ERVFRD-1: variants seen among roughly 807,000 people sequenced by gnomAD.
The protein encoded by ERVFRD-1 is endogenous retrovirus group FRD member 1, envelope.
ERVFRD-1 carries 33 observed loss-of-function variants against 43.8 expected under a neutral mutation model. The observed-to-expected ratio is 0.75, with a 90% CI of 0.57 to 1.01. ERVFRD-1 has a LOEUF of 1.01. Ranked by LOEUF, ERVFRD-1 falls within the 50% of genes least tolerant of loss-of-function variation. The pLI, the probability that ERVFRD-1 is intolerant of heterozygous loss-of-function variation, is 0.00. For missense variants in ERVFRD-1, 568 were observed against 658.4 expected (o/e 0.86, Z 1.50); for synonymous variants, 239 against 244.4 (o/e 0.98, Z 0.21).
Position 11,105,129 on chromosome 6 carries a change from G to C in ERVFRD-1, c.182C>G (p.Ser61Trp), listed in dbSNP as rs201436293. ...TETPGTAYPASPREWTSIEAE... is the reference protein window; with the variant it reads ...TETPGTAYPAWPREWTSIEAE... ...CTCTATGCTTGTCCATTCTCTGGGC[G>C]AGGCTGGATAAGCTGTCCCTGGTGT... is the stretch of plus-strand genomic sequence containing the variant. Residue 61 changes from serine (S) to tryptophan (W), a missense_variant, in exon 2 of 2, where the codon TCG becomes TGG. Physicochemically the swap from Ser to Trp is radical, Grantham distance 177. Coordinates refer to ENST00000472091, the MANE Select transcript of ERVFRD-1 (RefSeq NM_207582.3). 1 of 1,614,200 alleles carries C rather than the reference G, an allele frequency of 6.2e-7. No homozygotes were observed. Among genetic ancestry groups the C allele is most frequent in the Non-Finnish European group, 8.5e-7 (1 of 1,180,044 alleles).
rs949485572 is a variant in ERVFRD-1, at chr6:11,104,819, G to A, written c.492C>T (p.Asn164=). The A allele has an allele frequency of 6.2e-7, 1 of 1,614,238 alleles. No individual in the cohort carries two copies. Among genetic ancestry groups the A allele is most frequent in the Admixed American group, 1.7e-5 (1 of 60,028 alleles). The change falls in exon 2 of 2, where the codon AAC becomes AAT. Residue 164 remains asparagine, a synonymous_variant. Coordinates refer to ENST00000472091, the MANE Select transcript of ERVFRD-1 (RefSeq NM_207582.3). ...NQQTYQTYTH[N]QFRHQPRFPK... is the part of the protein sequence containing the mutation. Reference sequence around the variant, plus strand: ...GGAATCTTGGTTGATGGCGGAATTGGTTGTGGGTGTATGTTTGGTAAGTCT... The same window carrying A: ...GGAATCTTGGTTGATGGCGGAATTGATTGTGGGTGTATGTTTGGTAAGTCT...
chr6:11,110,908 T>C lies in ERVFRD-1; in HGVS notation c.-321+769A>G, dbSNP rs181416270. On this transcript the variant is annotated intron_variant, in intron 1 of 1. Coordinates refer to ENST00000472091, the MANE Select transcript of ERVFRD-1 (RefSeq NM_207582.3). ...GGTGGGGTCCTTAAGGGCTACAGAG[T>C]GAGGTCCTATGCAAGCAAGCAAACC... Among the ~76,000 whole-genome samples, 758 of 151,866 alleles carry C rather than the reference T, an allele frequency of 5.0e-3. 1 individual carries two copies. The highest frequency in any genetic ancestry group is 0.024 in the South Asian group (116 of 4,800).
At chr6:11,106,489 A>ACTGT (rs1758085399) in intron 1 of ERVFRD-1, among the ~76,000 whole-genome samples, 1 of 152,236 alleles carries the variant, frequency 6.6e-6, no homozygotes, top group Non-Finnish European at 1.5e-5. Flanking sequence ...TTTGCCTTAG[A>ACTGT]CTGTCTCTTC....
At chr6:11,110,709 C>G (rs1437440655) in intron 1 of ERVFRD-1, among the ~76,000 whole-genome samples, 4 of 152,148 alleles carry the variant, frequency 2.6e-5, no homozygotes, top group African/African-American at 9.7e-5. Flanking sequence ...TCATGGAAAG[C>G]CTTCATATGT....
chr6:11,110,599 G>T (rs1758152244), intron 1 of ERVFRD-1, among the ~76,000 whole-genome samples: 1 of 152,110 alleles, frequency 6.6e-6, no homozygotes, highest in African/African-American at 2.4e-5. Flanking sequence ...TTTGTATTTG[G>T]GATTCTTCAT....
chr6:11,111,166 C>T (rs1469328999), intron 1 of ERVFRD-1, among the ~76,000 whole-genome samples: 1 of 152,134 alleles, frequency 6.6e-6, no homozygotes, highest in Non-Finnish European at 1.5e-5. Flanking sequence ...ACAGCAAGAG[C>T]TGCGGGTGCA....
rs547480003 is a variant in ERVFRD-1, at chr6:11,111,441, G to C, written c.-321+236C>G. Among the ~76,000 whole-genome samples, 209 of 152,194 alleles carry C rather than the reference G, an allele frequency of 1.4e-3. 5 individuals are homozygous for C. The East Asian group carries it at 0.034, about 25-fold the overall frequency. On this transcript the variant is annotated intron_variant, in intron 1 of 1. Transcript: ENST00000472091. ...TACCGCTCTCATCAGCCTCCTGTCT[G>C]GGGGGGCCATTAGTGTCTCAGGTCT... is the stretch of plus-strand genomic sequence containing the variant.
intron 1 of ERVFRD-1, among the ~76,000 whole-genome samples, chr6:11,106,716 C>G (rs1758088927): frequency 6.6e-6 from 1 of 152,192 alleles, no homozygotes; most frequent in Admixed American, 6.5e-5. Context: ...AGATGCCTGT[C>G]TCTTTAGCTG....
intron 1 of ERVFRD-1, among the ~76,000 whole-genome samples, chr6:11,108,156 A>G (rs1421316875): frequency 6.6e-6 from 1 of 152,166 alleles, no homozygotes; most frequent in East Asian, 1.9e-4. Flanking sequence ...ATGAATGAGA[A>G]AAGACGGTTT....
intron 1 of ERVFRD-1, among the ~76,000 whole-genome samples, chr6:11,107,744 TG>T (rs1335052372): frequency 6.6e-6 from 1 of 152,242 alleles, no homozygotes; most frequent in Non-Finnish European, 1.5e-5. Context: ...TCTCAGGTCC[TG>T]GACTAGCCTG....
rs559357034 is a variant in ERVFRD-1, at chr6:11,104,145, G to T, written c.1166C>A (p.Ala389Asp). The T allele has an allele frequency of 6.4e-7, 1 of 1,551,718 alleles. No homozygotes were observed. The highest frequency in any genetic ancestry group is 2.4e-5 in the East Asian group (1 of 40,920). Residue 389 changes from alanine (A) to aspartate (D), a missense_variant, in exon 2 of 2, where the codon GCC becomes GAC. Physicochemically the swap from Ala to Asp is moderately radical, Grantham distance 126. Transcript: ENST00000472091. ...TTTAGCCATGGTGTCAATGTTGTTGGCTATTTCCTTTGAGAGCTGGCTATA... is the reference window on the plus strand; with the variant it reads ...TTTAGCCATGGTGTCAATGTTGTTGTCTATTTCCTTTGAGAGCTGGCTATA... ...LTYSQLSKEI[A>D]NNIDTMAKAL...
rs1758031522 is a variant in ERVFRD-1 at position 11,103,597 on chromosome 6, G to A, written c.*97C>T. On this transcript the variant is annotated 3_prime_UTR_variant, in exon 2 of 2. Transcript: ENST00000472091. ...CTAGCTGTCAGGGCAGGATGGCTCT[G>A]TGGATTGGCAAAAACCATATCCAGC... 1 of 1,453,580 alleles carries A rather than the reference G, an allele frequency of 6.9e-7. No individual in the cohort carries two copies. The highest frequency in any genetic ancestry group is 9.1e-7 in the Non-Finnish European group (1 of 1,104,636). The allele number at this position is 1,453,580 out of a possible 1,614,324, so 90.0% of individuals were successfully genotyped here.
At position 11,104,061 on chromosome 6, in the gene ERVFRD-1, C is replaced by T. The variant is rs199922975; in HGVS notation, c.1250G>A (p.Arg417His). ...TGCCGTTAACATGTCTAGTCCTCGACGATTTTGAAGGACTACGGCTGCTAA... is the reference window on the plus strand; with the variant it reads ...TGCCGTTAACATGTCTAGTCCTCGATGATTTTGAAGGACTACGGCTGCTAA... ...DSLAAVVLQN[R>H]RGLDMLTAAQ... The change falls in exon 2 of 2, where the codon CGT becomes CAT. Residue 417 changes from arginine (R) to histidine (H), a missense_variant. Coordinates refer to ENST00000472091, the MANE Select transcript of ERVFRD-1 (RefSeq NM_207582.3). 7.1e-6 allele frequency: 11 copies of T among 1,551,696 alleles called. No homozygotes were observed. Among genetic ancestry groups the T allele is most frequent in the South Asian group, 2.4e-5 (2 of 84,058 alleles).
At position 11,103,794 on chromosome 6, in the gene ERVFRD-1, A is replaced by G; in HGVS notation, c.1517T>C (p.Leu506Pro). Residue 506 changes from leucine (L) to proline (P), a missense_variant, in exon 2 of 2, where the codon CTA (leucine) becomes CCA (proline). Transcript: ENST00000472091. ...GCGAGAGGAGACAAATTGGGTTATT[A>G]GATTTAGGAGACATGGACCAAAAAG... is the stretch of plus-strand genomic sequence containing the variant. ...LLLFGPCLLN[L>P]ITQFVSSRLQ... 3 of 1,551,716 alleles carry G rather than the reference A, an allele frequency of 1.9e-6. No homozygotes were observed. The highest frequency in any genetic ancestry group is 2.6e-6 in the Non-Finnish European group (3 of 1,146,988).
chr6:11,104,719 T>C lies in ERVFRD-1; in HGVS notation c.592A>G (p.Ser198Gly). The change falls in exon 2 of 2, where the codon AGC (serine) becomes GGC (glycine). Residue 198 changes from serine (S) to glycine (G), a missense_variant. Physicochemically the swap from Ser to Gly is moderately conservative, Grantham distance 56. Transcript: ENST00000472091. ...KSSRFCQGRP[S>G]SCSTRNFWFR... ...CAGAAGTTTCGAGTACTGCATGAGC[T>C]TGGGCGTCCCTGGCAAAACCGGCTG... 1 of 1,614,250 alleles carries C rather than the reference T, an allele frequency of 6.2e-7. No individual in the cohort carries two copies. Among genetic ancestry groups the C allele is most frequent in the Non-Finnish European group, 8.5e-7 (1 of 1,180,038 alleles).
Position 11,105,041 on chromosome 6 carries a change from A to C in ERVFRD-1, c.270T>G (p.Asn90Lys). The change falls in exon 2 of 2, where the codon AAT becomes AAG. Residue 90 changes from asparagine to lysine, a missense_variant. Coordinates refer to ENST00000472091, the MANE Select transcript of ERVFRD-1 (RefSeq NM_207582.3). ...PNLKGLMRPANSLLSTVKQDF... is the reference protein window; with the variant it reads ...PNLKGLMRPAKSLLSTVKQDF... ...CTTGCTTTACTGTTGAAAGAAGACTATTTGCAGGCCTCATCAGTCCTTTCA... is the reference window on the plus strand; with the variant it reads ...CTTGCTTTACTGTTGAAAGAAGACTCTTTGCAGGCCTCATCAGTCCTTTCA... The C allele has an allele frequency of 6.2e-7, 1 of 1,614,184 alleles. No individual in the cohort carries two copies. The highest frequency in any genetic ancestry group is 2.2e-5 in the East Asian group (1 of 44,878).
chr6:11,104,583 G>A lies in ERVFRD-1; in HGVS notation c.728C>T (p.Thr243Ile), dbSNP rs767522278. 6.2e-7 allele frequency: 1 copy of A among 1,613,260 alleles called. No homozygotes were observed. The highest frequency in any genetic ancestry group is 1.7e-5 in the Admixed American group (1 of 59,796). The change falls in exon 2 of 2, where the codon ACC becomes ATC. Residue 243 changes from threonine (T) to isoleucine (I), a missense_variant. Transcript: ENST00000472091. The part of the protein sequence containing the change: ...TRNSLFWENK[T>I]KGANQSQTPC... ...TGTTTGGCTCTGGTTAGCTCCCTTGGTTTTATTTTCCCAAAAAAGAGAATT... is the reference window on the plus strand; with the variant it reads ...TGTTTGGCTCTGGTTAGCTCCCTTGATTTTATTTTCCCAAAAAAGAGAATT...
chr6:11,108,420 G>A (rs1034333310), intron 1 of ERVFRD-1, among the ~76,000 whole-genome samples: 21 of 152,202 alleles, frequency 1.4e-4, no homozygotes, highest in Non-Finnish European at 2.5e-4. Context: ...TCATCCAGTT[G>A]GGATGTCCTG....
Position 11,103,085 on chromosome 6 carries a change from G to A in ERVFRD-1, c.*609C>T, listed in dbSNP as rs1055555816. ...AGTGGCCTGCCAGCACTTGGGAGGG[G>A]ACGCATGTGCAGTGTTTTTACTGAA... is the stretch of plus-strand genomic sequence containing the variant. On this transcript the variant is annotated 3_prime_UTR_variant, in exon 2 of 2. Transcript: ENST00000472091. 3 of 152,264 alleles carry A rather than the reference G, an allele frequency of 2.0e-5. No individual in the cohort carries two copies. Among genetic ancestry groups the A allele is most frequent in the Non-Finnish European group, 2.9e-5 (2 of 68,116 alleles). The allele number at this position is 152,264 out of a possible 1,614,324, so 9.4% of individuals were successfully genotyped here.
Sources: gnomAD v4.1 joint callset for allele counts (sites outside exome capture counted in the v4.1 genomes callset) on GRCh38, gnomAD v4.1.1 for gene constraint, MANE v1.5 for transcripts, NCBI Gene and HGNC (gene_info 2026-07-23, HGNC 2026-07-21) for gene names.